Variants in NOC2L observed in about 807,000 individuals in gnomAD.
NOC2L encodes the protein NOC2 like nucleolar associated transcriptional repressor.
NOC2L carries 101 observed loss-of-function variants against 94.2 expected under a neutral mutation model. That is an observed-to-expected ratio of 1.07 (90% CI 0.91 to 1.26). The LOEUF (loss-of-function observed/expected upper bound fraction) is 1.26, where lower values mean the gene tolerates loss of function less well. Among genes scored for constraint, NOC2L ranks in the 50% most tolerant of loss-of-function variants. The pLI is 0.00. For missense variants in NOC2L, 1,076 were observed against 980.1 expected (o/e 1.10, Z -1.31); for synonymous variants, 531 against 413.4 (o/e 1.28, Z -3.45).
chr1:957,282 G>A lies in NOC2L; in HGVS notation c.180-9C>T, dbSNP rs1416786615. On this transcript the variant is annotated splice_polypyrimidine_tract_variant and intron_variant, in intron 2 of 18. Transcript: ENST00000327044. ...CACGGCCTTTACGCCGGCTGAGGAG[G>A]CAGAAGTCAGCGACCCCAGTGGGAA... 3 of 1,612,636 alleles carry A rather than the reference G, an allele frequency of 1.9e-6. No individual in the cohort carries two copies. Among genetic ancestry groups the A allele is most frequent in the Non-Finnish European group, 2.5e-6 (3 of 1,179,368 alleles).
At chr1:959,115 C>A in intron 1 of NOC2L, 34 bp from the exon 2 acceptor site, 1 of 1,610,070 alleles carries the variant, frequency 6.2e-7, no homozygotes, top group South Asian at 1.1e-5. Flanking sequence ...GCTGCCCGCA[C>A]GCCCAGCTCG....
chr1:951,784 G>A (rs1423704956), intron 11 of NOC2L, among the ~76,000 whole-genome samples: 1 of 152,244 alleles, frequency 6.6e-6, no homozygotes, highest in Non-Finnish European at 1.5e-5. Flanking sequence ...AACCGCTGTT[G>A]GAGGAGCTCA....
In NOC2L at chr1:944,805, G is replaced by T. The variant is rs113470822; in HGVS notation, c.2144-5C>A. Reference sequence around the variant, plus strand: ...CCTCTGCGTCTGGGTCTCCATCTGCGGGGAGAGATGGAGGCTACATAAATT... The same window carrying T: ...CCTCTGCGTCTGGGTCTCCATCTGCTGGGAGAGATGGAGGCTACATAAATT... On this transcript the variant is annotated splice_polypyrimidine_tract_variant and splice_region_variant and intron_variant, in intron 18 of 18. Coordinates refer to ENST00000327044, the MANE Select transcript of NOC2L (RefSeq NM_015658.4). 1.3e-6 allele frequency: 2 copies of T among 1,544,498 alleles called. No homozygotes were observed. The highest frequency in any genetic ancestry group is 1.1e-5 in the South Asian group (1 of 87,664).
Position 950,697 on chromosome 1 carries a change from G to A in NOC2L, c.1443+430C>T, listed in dbSNP as rs141532767. The stretch of plus-strand genomic sequence containing the variant: ...GATTTACAGACCCATGCACCCAGAT[G>A]GTGCACACACACGCATGCATGCACA... On this transcript the variant is annotated intron_variant, in intron 12 of 18. Transcript: ENST00000327044. Among the ~76,000 whole-genome samples, 16 of 152,150 alleles carry A rather than the reference G, an allele frequency of 1.1e-4. No individual in the cohort carries two copies. In the East Asian group the frequency reaches 2.3e-3, roughly 22 times the overall value.
chr1:948,358 G>A (rs978179854), intron 13 of NOC2L, 126 bp from the exon 14 acceptor site: 3 of 1,054,196 alleles, frequency 2.8e-6, no homozygotes, highest in East Asian at 2.6e-5. Context: ...AGGGGCTCCT[G>A]GGCCCCAGCC....
At position 952,569 on chromosome 1, in the gene NOC2L, T is replaced by C. The variant is rs746984140; in HGVS notation, c.1034A>G (p.Lys345Arg). 4.3e-6 allele frequency: 7 copies of C among 1,613,832 alleles called. No homozygotes were observed. In the Admixed American group the frequency reaches 5.0e-5, roughly 12 times the overall value. ...GGGGAGGGCACCAGGCGAGGTGAAC[T>C]TGCAGTTCCTCACATACGTGATGTA... ...QMYITYVRNC[K>R]FTSPGALPFI... The change falls in exon 10 of 19, where the codon AAG becomes AGG. Residue 345 changes from lysine to arginine, a missense_variant. Physicochemically the swap from Lys to Arg is conservative, Grantham distance 26 (BLOSUM62 2). Around this residue, in one of 3 missense-constraint regions of NOC2L, gnomAD observed 615 missense variants for 577.4 expected, o/e 1.07. Coordinates refer to ENST00000327044, the MANE Select transcript of NOC2L (RefSeq NM_015658.4).
At chr1:947,374 G>A (rs555560366) in intron 14 of NOC2L, among the ~76,000 whole-genome samples, 56 of 151,804 alleles carry the variant, frequency 3.7e-4, no homozygotes, top group African/African-American at 1.2e-3. Context: ...GTGGCCGTGT[G>A]TGAGTACACA....
chr1:958,739 T>C, intron 2 of NOC2L, 190 bp downstream of exon 2: 2 of 719,208 alleles, frequency 2.8e-6, no homozygotes, highest in Non-Finnish European at 2.5e-6. Context: ...GCTCCCTGCC[T>C]AGGACAGAGT....
intron 16 of NOC2L, 40 bp from the exon 17 acceptor site, chr1:945,693 C>G (rs1642086852): frequency 1.2e-6 from 2 of 1,613,628 alleles, no homozygotes; most frequent in Non-Finnish European, 1.7e-6. Flanking sequence ...TGAGAGAGGG[C>G]AGGGGCTGGC....
chr1:947,760 A>T (rs1397062592), intron 14 of NOC2L, among the ~76,000 whole-genome samples: 1 of 151,864 alleles, frequency 6.6e-6, no homozygotes, highest in Non-Finnish European at 1.5e-5. Flanking sequence ...CTGAGAAGCC[A>T]CTCCACCCAC....
intron 12 of NOC2L, among the ~76,000 whole-genome samples, chr1:950,313 GC>G (rs1385206944): frequency 6.6e-6 from 1 of 151,778 alleles, no homozygotes; most frequent in Non-Finnish European, 1.5e-5. Flanking sequence ...ATAGATGCAC[GC>G]AGACACACAT....
In NOC2L at chr1:944,756, G is replaced by T. The variant is rs761932405; in HGVS notation, c.2188C>A (p.Gln730Lys). Reference sequence around the variant, plus strand: ...TCCTCCGGCCCCTGGGCCAGCTGCTGCAGCTCCCCAGGGGCCAGCCCCGCC... The same window carrying T: ...TCCTCCGGCCCCTGGGCCAGCTGCTTCAGCTCCCCAGGGGCCAGCCCCGCC... ...AEAGLAPGELQQLAQGPEDEL... is the reference protein window; with the variant it reads ...AEAGLAPGELKQLAQGPEDEL... The change falls in exon 19 of 19, where the codon CAG becomes AAG. Residue 730 changes from glutamine to lysine, a missense_variant. Gln to Lys is a moderately conservative substitution (Grantham distance 53, BLOSUM62 1). Transcript: ENST00000327044. The T allele has an allele frequency of 6.2e-7, 1 of 1,600,182 alleles. No homozygotes were observed. The highest frequency in any genetic ancestry group is 1.1e-5 in the South Asian group (1 of 90,872).
intron 12 of NOC2L, among the ~76,000 whole-genome samples, chr1:948,908 G>A (rs896706718): frequency 6.6e-6 from 1 of 152,260 alleles, no homozygotes; most frequent in African/African-American, 2.4e-5. Context: ...ACCCACGTCT[G>A]GAGACCTAGA....
intron 6 of NOC2L, among the ~76,000 whole-genome samples, chr1:955,360 C>G (rs1419719195): frequency 1.3e-5 from 2 of 152,238 alleles, no homozygotes; most frequent in African/African-American, 4.8e-5. Context: ...TCCACTGCCT[C>G]AAGGTCACAT....
rs188723620 is a variant in NOC2L at position 957,293 on chromosome 1, C to T, written c.180-20G>A. Reference sequence around the variant, plus strand: ...CGCCGGCTGAGGAGGCAGAAGTCAGCGACCCCAGTGGGAAGTGGAAGTAGA... The same window carrying T: ...CGCCGGCTGAGGAGGCAGAAGTCAGTGACCCCAGTGGGAAGTGGAAGTAGA... On this transcript the variant is annotated intron_variant, in intron 2 of 18. Transcript: ENST00000327044. 254 of 1,611,462 alleles carry T rather than the reference C, an allele frequency of 1.6e-4. No individual in the cohort carries two copies. The highest frequency in any genetic ancestry group is 4.0e-4 in the Admixed American group (24 of 59,962).
At chr1:952,385 T>C (rs1642283638) in intron 10 of NOC2L, 27 bp downstream of exon 10, 1 of 1,609,680 alleles carries the variant, frequency 6.2e-7, no homozygotes, top group Non-Finnish European at 8.5e-7. Context: ...ATGCCCAGCA[T>C]GAGCCTGGAA....
In NOC2L at chr1:944,410, CT is replaced by C; in HGVS notation, c.*283del. 1 of 1,161,548 alleles carries C rather than the reference CT, an allele frequency of 8.6e-7. No homozygotes were observed. The highest frequency in any genetic ancestry group is 3.0e-4 in the Middle Eastern group (1 of 3,328). 72.0% of individuals were successfully genotyped at this position (1,161,548 alleles called of 1,614,324 possible). ...GGGCCAGGGGCCTGCAGGCCTCCCC[CT>C]GGAACTGGGACTGGTCTCGGTCTGC... On this transcript the variant is annotated 3_prime_UTR_variant, in exon 19 of 19. Coordinates refer to ENST00000327044, the MANE Select transcript of NOC2L (RefSeq NM_015658.4).
In NOC2L at chr1:959,064, G is replaced by C. The variant is rs776138989; in HGVS notation, c.44C>G (p.Thr15Arg). ...GSRKRRLAEL[T>R]VDEFLASGFD... ...GCCCGAAGCTAGGAACTCGTCCACC[G>C]TCAGCTCCGCCAGGCGCCTGCGGGT... Residue 15 changes from threonine to arginine, a missense_variant, in exon 2 of 19, where the codon ACG becomes AGG. Thr to Arg is a moderately conservative substitution (Grantham distance 71). Coordinates refer to ENST00000327044, the MANE Select transcript of NOC2L (RefSeq NM_015658.4). 61 of 1,609,162 alleles carry C rather than the reference G, an allele frequency of 3.8e-5. No individual in the cohort carries two copies. Among genetic ancestry groups the C allele is most frequent in the Non-Finnish European group, 5.0e-5 (59 of 1,177,458 alleles).
chr1:946,022 A>C, intron 16 of NOC2L, 151 bp downstream of exon 16: 1 of 649,762 alleles, frequency 1.5e-6, no homozygotes, highest in Non-Finnish European at 2.6e-6. Context: ...GTTCTCCAAC[A>C]CCTACCCCCT....
Sources: allele counts gnomAD v4.1 joint callset (sites outside exome capture counted in the v4.1 genomes callset), GRCh38; gene constraint gnomAD v4.1.1; regional missense constraint gnomAD v4.1.1; transcripts MANE v1.5; gene names NCBI Gene and HGNC (gene_info 2026-07-23, HGNC 2026-07-21).